The following SRGAP1 variants were observed in gnomAD, a reference collection of about 807,000 sequenced individuals.
The protein encoded by SRGAP1 is SLIT-ROBO Rho GTPase-activating protein 1.
In SRGAP1, 43 loss-of-function variants were observed where a neutral mutation model predicts 121.9. The ratio of observed to expected loss-of-function variants is 0.35; its 90% CI spans 0.28 to 0.46. SRGAP1 has a LOEUF of 0.46. SRGAP1 is among the 20% of genes least tolerant of loss of function. The pLI is 1.00. For synonymous variants in SRGAP1, 447 were observed against 485.4 expected (o/e 0.92, Z 1.04); for missense variants, 1,102 against 1,350.9 (o/e 0.82, Z 2.89).
chr12:64,004,983 A>G (rs2034034810), intron 3 of SRGAP1, among the ~76,000 whole-genome samples: 2 of 152,230 alleles, frequency 1.3e-5, no homozygotes, highest in South Asian at 4.1e-4. Context: ...TGAATTAAGA[A>G]ACACTTGTGA....
At position 64,079,004 on chromosome 12, in the gene SRGAP1, A is replaced by G; in HGVS notation, c.1211A>G (p.His404Arg). ...EDYDVSECFQ[H>R]SRSTESVKST... ...TATGATGTTTCTGAATGCTTCCAGC[A>G]CAGTCGTTCCACAGAATCAGTGAAG... Residue 404 changes from histidine to arginine, a missense_variant, in exon 9 of 22, where the codon CAC becomes CGC. Around this residue, in one of 3 missense-constraint regions of SRGAP1, gnomAD observed 747 missense variants for 929.4 expected, o/e 0.80. Coordinates refer to ENST00000355086, the MANE Select transcript of SRGAP1 (RefSeq NM_020762.4). 1 of 1,614,154 alleles carries G rather than the reference A, an allele frequency of 6.2e-7. No individual in the cohort carries two copies. The highest frequency in any genetic ancestry group is 8.5e-7 in the Non-Finnish European group (1 of 1,180,004).
chr12:64,161,727 A>C lies in SRGAP1; in HGVS notation c.*19055A>C, dbSNP rs1253371834. The C allele has an allele frequency of 6.6e-6, 1 of 152,170 alleles. No homozygotes were observed. Among genetic ancestry groups the C allele is most frequent in the Non-Finnish European group, 1.5e-5 (1 of 68,018 alleles). 9.4% of individuals were successfully genotyped at this position (152,170 alleles called of 1,614,324 possible). ...GATCCTTGGCTATCTGCTCGAATTT[A>C]AAAACAAGCACTAAAGAAGGGCACT... is the stretch of plus-strand genomic sequence containing the variant. On this transcript the variant is annotated 3_prime_UTR_variant, in exon 22 of 22. Coordinates refer to ENST00000355086, the MANE Select transcript of SRGAP1 (RefSeq NM_020762.4).
chr12:63,969,868 T>A (rs2032894490), intron 1 of SRGAP1, among the ~76,000 whole-genome samples: 1 of 152,052 alleles, frequency 6.6e-6, no homozygotes, highest in Non-Finnish European at 1.5e-5. Context: ...TCTCTTGAAA[T>A]CCCACTAGAG....
Position 64,128,035 on chromosome 12 carries a change from C to G in SRGAP1, c.2715C>G (p.Asp905Glu). Residue 905 changes from aspartate to glutamate, a missense_variant, in exon 21 of 22, where the codon GAC (aspartate) becomes GAG (glutamate). Physicochemically the swap from Asp to Glu is conservative, Grantham distance 45 (BLOSUM62 2). Transcript: ENST00000355086. ...GLLQNRGLNN[D>E]SPERRRRPGH... ...TGCAGAACCGTGGCCTCAACAATGA[C>G]AGTCCTGAGCGGAGGCGCAGGCCTG... 6.2e-7 allele frequency: 1 copy of G among 1,614,154 alleles called. No individual in the cohort carries two copies. The highest frequency in any genetic ancestry group is 8.5e-7 in the Non-Finnish European group (1 of 1,180,026).
intron 6 of SRGAP1, among the ~76,000 whole-genome samples, chr12:64,061,735 T>C (rs2035452764): frequency 4.6e-5 from 7 of 152,184 alleles, no homozygotes; most frequent in Admixed American, 3.9e-4. Context: ...CACAATCTAC[T>C]TTTTGTCTCT....
intron 1 of SRGAP1, among the ~76,000 whole-genome samples, chr12:63,980,596 CTTT>C (rs1289101775): frequency 1.5e-5 from 2 of 136,314 alleles, no homozygotes; most frequent in Non-Finnish European, 1.6e-5. Flanking sequence ...CGAGATGTTT[CTTT>C]TTTTTTTTTT....
intron 1 of SRGAP1, among the ~76,000 whole-genome samples, chr12:63,952,948 G>C (rs1225767825): frequency 2.0e-5 from 3 of 152,106 alleles, no homozygotes; most frequent in Non-Finnish European, 4.4e-5. Context: ...ACCGGGCCAG[G>C]TGCTAACACT....
intron 1 of SRGAP1, among the ~76,000 whole-genome samples, chr12:63,972,461 T>C (rs2032980063): frequency 6.6e-6 from 1 of 152,230 alleles, no homozygotes; most frequent in African/African-American, 2.4e-5. Context: ...GAAGTCATAA[T>C]GCAGTGGCTG....
At chr12:63,927,392 A>T (rs2031299737) in intron 1 of SRGAP1, among the ~76,000 whole-genome samples, 1 of 152,102 alleles carries the variant, frequency 6.6e-6, no homozygotes, top group African/African-American at 2.4e-5. Context: ...CTATTGGCTG[A>T]TTGCTACGCT....
rs7969810 is a variant in SRGAP1 at position 64,144,598 on chromosome 12, G to A, written c.*1926G>A. Reference sequence around the variant, plus strand: ...TGACTTTTTTCCCATGTATTTCTAGGTATGGTAAACTTTTAAACCTCCAAA... The same window carrying A: ...TGACTTTTTTCCCATGTATTTCTAGATATGGTAAACTTTTAAACCTCCAAA... On this transcript the variant is annotated 3_prime_UTR_variant, in exon 22 of 22. Coordinates refer to ENST00000355086, the MANE Select transcript of SRGAP1 (RefSeq NM_020762.4). 32,982 of 151,878 alleles carry A rather than the reference G, an allele frequency of 0.22. 3,722 individuals carry two copies. Among genetic ancestry groups the A allele is most frequent in the Middle Eastern group, 0.25 (72 of 292 alleles). The allele number at this position is 151,878 out of a possible 1,614,324, so 9.4% of individuals were successfully genotyped here.
chr12:64,049,330 A>G (rs1425053549), intron 6 of SRGAP1, among the ~76,000 whole-genome samples: 2 of 152,222 alleles, frequency 1.3e-5, no homozygotes, highest in African/African-American at 4.8e-5. Flanking sequence ...TGGGAAATTT[A>G]TAAAGGAAAG....
At chr12:64,012,210 GAAACATCAA>G (rs1405785332) in intron 3 of SRGAP1, among the ~76,000 whole-genome samples, 2 of 152,100 alleles carry the variant, frequency 1.3e-5, no homozygotes, top group Non-Finnish European at 1.5e-5. Context: ...AGAAATATCT[GAAACATCAA>G]AATGACAATA....
chr12:63,878,182 T>A (rs934004421), intron 1 of SRGAP1, among the ~76,000 whole-genome samples: 6 of 152,220 alleles, frequency 3.9e-5, no homozygotes, highest in African/African-American at 1.4e-4. Flanking sequence ...TCATTATCTG[T>A]ACTGCTGCCT....
At chr12:63,964,286 A>G (rs1423973031) in intron 1 of SRGAP1, among the ~76,000 whole-genome samples, 1 of 152,234 alleles carries the variant, frequency 6.6e-6, no homozygotes. Context: ...ACATTTAGCT[A>G]TAGCAATATA....
chr12:63,965,853 T>A (rs567119666), intron 1 of SRGAP1, among the ~76,000 whole-genome samples: 5 of 152,172 alleles, frequency 3.3e-5, no homozygotes, highest in Admixed American at 1.3e-4. Context: ...AGTTTCACTC[T>A]TGTTGCCCAG....
intron 1 of SRGAP1, among the ~76,000 whole-genome samples, chr12:63,928,358 G>T (rs2031340547): frequency 6.6e-6 from 1 of 152,074 alleles, no homozygotes; most frequent in South Asian, 2.1e-4. Flanking sequence ...ATATATCCTC[G>T]AAAAGACTTG....
chr12:63,933,225 A>G (rs61933134), intron 1 of SRGAP1, among the ~76,000 whole-genome samples: 3,087 of 152,188 alleles, frequency 0.02, 43 homozygotes, highest in South Asian at 0.034. Flanking sequence ...TAAAACTTTA[A>G]GTATAATAAT....
At chr12:63,904,270 A>G (rs2030089366) in intron 1 of SRGAP1, among the ~76,000 whole-genome samples, 1 of 152,196 alleles carries the variant, frequency 6.6e-6, no homozygotes, top group South Asian at 2.1e-4. Context: ...GCAGTTATAT[A>G]TGAACATATC....
intron 3 of SRGAP1, among the ~76,000 whole-genome samples, chr12:63,993,086 G>A (rs1000053933): frequency 4.6e-5 from 7 of 152,134 alleles, no homozygotes; most frequent in African/African-American, 7.2e-5. Flanking sequence ...CAGAGTTTAC[G>A]GAGGAGTAAG....
Sources: gnomAD v4.1 joint callset for allele counts (sites outside exome capture counted in the v4.1 genomes callset) on GRCh38, gnomAD v4.1.1 for gene constraint, gnomAD v4.1.1 regional missense constraint, MANE v1.5 for transcripts, NCBI Gene and HGNC (gene_info 2026-07-23, HGNC 2026-07-21) for gene names.